Variants in SLC24A3 observed in about 807,000 individuals in gnomAD.
SLC24A3 encodes sodium/potassium/calcium exchanger 3.
SLC24A3 carries 28 observed loss-of-function variants against 75.8 expected under a neutral mutation model. The ratio of observed to expected loss-of-function variants is 0.37; its 90% confidence interval spans 0.27 to 0.51. The LOEUF (loss-of-function observed/expected upper bound fraction) is 0.51, where lower values mean the gene tolerates loss of function less well. SLC24A3 is among the 20% of genes least tolerant of loss of function. The pLI, the probability that SLC24A3 is intolerant of heterozygous loss-of-function variation, is 0.94. For synonymous variants in SLC24A3, 372 were observed against 334.1 expected (o/e 1.11, Z -1.24); for missense variants, 663 against 847.8 (o/e 0.78, Z 2.71).
intron 4 of SLC24A3, among the ~76,000 whole-genome samples, chr20:19,582,685 A>G (rs921358205): frequency 6.6e-6 from 1 of 152,206 alleles, no homozygotes; most frequent in Non-Finnish European, 1.5e-5. Flanking sequence ...CAGAGATACC[A>G]TTGCAGAACG....
intron 3 of SLC24A3, among the ~76,000 whole-genome samples, chr20:19,578,180 C>T (rs1290554217): frequency 6.6e-6 from 1 of 152,102 alleles, no homozygotes; most frequent in Non-Finnish European, 1.5e-5. Flanking sequence ...GTGTAAAAGG[C>T]CTATTATTGG....
chr20:19,649,412 C>T (rs2032174763), intron 6 of SLC24A3, among the ~76,000 whole-genome samples: 1 of 152,154 alleles, frequency 6.6e-6, no homozygotes, highest in South Asian at 2.1e-4. Flanking sequence ...CAGGTAGTTT[C>T]AGTGTTTATT....
At chr20:19,446,555 A>G (rs2122475410) in intron 2 of SLC24A3, among the ~76,000 whole-genome samples, 1 of 152,310 alleles carries the variant, frequency 6.6e-6, no homozygotes, top group East Asian at 1.9e-4. Flanking sequence ...TATTCTCTGT[A>G]TTCAGGTGAC....
chr20:19,450,949 G>A (rs1184671857), intron 2 of SLC24A3, among the ~76,000 whole-genome samples: 1 of 152,118 alleles, frequency 6.6e-6, no homozygotes, highest in South Asian at 2.1e-4. Context: ...GCAGTGAGCT[G>A]AGATTGCACC....
chr20:19,368,070 G>T (rs1985927615), intron 2 of SLC24A3, among the ~76,000 whole-genome samples: 1 of 152,150 alleles, frequency 6.6e-6, no homozygotes, highest in Admixed American at 6.5e-5. Flanking sequence ...TTGAAGTAAA[G>T]AATAGGGCTG....
chr20:19,246,154 G>C (rs888116739), intron 1 of SLC24A3, among the ~76,000 whole-genome samples: 2 of 152,100 alleles, frequency 1.3e-5, no homozygotes, highest in African/African-American at 4.8e-5. Flanking sequence ...ACTACAGAGA[G>C]ACATATATAG....
intron 6 of SLC24A3, among the ~76,000 whole-genome samples, chr20:19,628,013 T>C (rs908330298): frequency 1.3e-5 from 2 of 151,304 alleles, no homozygotes; most frequent in African/African-American, 4.9e-5. Context: ...TTGGCCAACA[T>C]GGTGAAACCC....
At chr20:19,357,797 GC>G (rs1263970582) in intron 2 of SLC24A3, among the ~76,000 whole-genome samples, 2 of 152,244 alleles carry the variant, frequency 1.3e-5, no homozygotes, top group Non-Finnish European at 1.5e-5. Context: ...GGGCTGCCTT[GC>G]CCTTCAGATA....
chr20:19,610,940 GA>G (rs1273375684), intron 6 of SLC24A3, among the ~76,000 whole-genome samples: 1 of 152,248 alleles, frequency 6.6e-6, no homozygotes, highest in Non-Finnish European at 1.5e-5. Context: ...CCCATGCATG[GA>G]AAGGGCTGGT....
At chr20:19,290,858 G>T (rs1333877865) in intron 2 of SLC24A3, among the ~76,000 whole-genome samples, 1 of 152,172 alleles carries the variant, frequency 6.6e-6, no homozygotes, top group African/African-American at 2.4e-5. Context: ...TTCCAGCAGG[G>T]TCTATGTGTG....
At chr20:19,704,364 C>G (rs1226654087) in intron 15 of SLC24A3, among the ~76,000 whole-genome samples, 1 of 152,190 alleles carries the variant, frequency 6.6e-6, no homozygotes, top group East Asian at 1.9e-4. Flanking sequence ...CGCATGGTCT[C>G]ATCTAATCCT....
chr20:19,247,982 AT>A, intron 1 of SLC24A3, among the ~76,000 whole-genome samples: 1 of 152,290 alleles, frequency 6.6e-6, no homozygotes, highest in Middle Eastern at 3.4e-3. Context: ...ACCTTAGATG[AT>A]TGAGAGTATT....
At chr20:19,559,638 C>T (rs6046182) in intron 3 of SLC24A3, among the ~76,000 whole-genome samples, 132,043 of 152,148 alleles carry the variant, frequency 0.87, 57,489 homozygotes, top group Middle Eastern at 0.91. Context: ...TCCTGGTATA[C>T]TTTCCTTTTA....
chr20:19,387,651 T>C (rs1986294172), intron 2 of SLC24A3, among the ~76,000 whole-genome samples: 1 of 152,240 alleles, frequency 6.6e-6, no homozygotes, highest in African/African-American at 2.4e-5. Context: ...GTTTTTGAAT[T>C]TCTGGTTTCA....
intron 2 of SLC24A3, among the ~76,000 whole-genome samples, chr20:19,312,162 A>G (rs962207800): frequency 2.0e-5 from 3 of 152,208 alleles, no homozygotes; most frequent in African/African-American, 7.2e-5. Flanking sequence ...GGTGTCCCTC[A>G]GTGAGATCCC....
chr20:19,234,804 C>T (rs1486113334), intron 1 of SLC24A3, among the ~76,000 whole-genome samples: 7 of 152,194 alleles, frequency 4.6e-5, no homozygotes, highest in Non-Finnish European at 1.0e-4. Context: ...TTCTGTTGCA[C>T]AGTACTGATT....
At chr20:19,577,446 A>C (rs74799409) in intron 3 of SLC24A3, among the ~76,000 whole-genome samples, 4,220 of 152,324 alleles carry the variant, frequency 0.028, 94 homozygotes, top group South Asian at 0.088. Flanking sequence ...ATTTTTTTCC[A>C]TGCCAAGCAT....
At chr20:19,306,553 A>G (rs1984335182) in intron 2 of SLC24A3, among the ~76,000 whole-genome samples, 1 of 152,236 alleles carries the variant, frequency 6.6e-6, no homozygotes, top group Non-Finnish European at 1.5e-5. Flanking sequence ...CTTTGCAGCA[A>G]TATGAATGGA....
intron 6 of SLC24A3, among the ~76,000 whole-genome samples, chr20:19,597,966 T>C (rs899760676): frequency 6.6e-6 from 1 of 152,164 alleles, no homozygotes; most frequent in African/African-American, 2.4e-5. Flanking sequence ...CACCCACTCA[T>C]CCATTCGTGG....
Sources: allele counts gnomAD v4.1 joint callset (sites outside exome capture counted in the v4.1 genomes callset), GRCh38; gene constraint gnomAD v4.1.1; transcripts MANE v1.5; gene names NCBI Gene and HGNC (gene_info 2026-07-23, HGNC 2026-07-21).